The following PPP2R1B variants were observed in gnomAD, a reference collection of about 807,000 sequenced individuals.
The protein encoded by PPP2R1B is protein phosphatase 2 scaffold subunit Abeta.
PPP2R1B carries 58 observed loss-of-function variants against 72.7 expected under a neutral mutation model. That is an observed-to-expected ratio of 0.80 (90% confidence interval 0.65 to 0.99). The LOEUF (loss-of-function observed/expected upper bound fraction) is 0.99. Ranked by LOEUF, PPP2R1B falls within the 50% of genes least tolerant of loss-of-function variation. The pLI, the probability that PPP2R1B is intolerant of heterozygous loss-of-function variation, is 0.00. For synonymous variants in PPP2R1B, 256 were observed against 264.6 expected (o/e 0.97, Z 0.32); for missense variants, 695 against 733.6 (o/e 0.95, Z 0.61).
chr11:111,713,254 T>C, the PPP2R1B span, among the ~76,000 whole-genome samples: 1 of 152,240 alleles, frequency 6.6e-6, no homozygotes, highest in Admixed American at 6.5e-5. Context: ...CTCTCATTCA[T>C]AGATGTCTCT....
chr11:111,733,114 C>T (rs989880321), downstream of PPP2R1B, among the ~76,000 whole-genome samples: 2 of 152,208 alleles, frequency 1.3e-5, no homozygotes, highest in African/African-American at 4.8e-5. Context: ...ATCACTCAGG[C>T]CAAACCCAAG....
the PPP2R1B span, among the ~76,000 whole-genome samples, chr11:111,719,450 A>AG: frequency 7.9e-5 from 12 of 151,164 alleles, no homozygotes; most frequent in African/African-American, 2.7e-4. Context: ...TTAAAAAAAA[A>AG]TAATAACTGG....
In PPP2R1B at chr11:111,739,461, G is replaced by A. The variant is rs1182780603; in HGVS notation, c.*2135C>T. The A allele has an allele frequency of 2.0e-6, 2 of 985,272 alleles. No individual in the cohort carries two copies. The highest frequency in any genetic ancestry group is 1.7e-5 in the African/African-American group (1 of 57,226). The allele number at this position is 985,272 out of a possible 1,614,324, so 61.0% of individuals were successfully genotyped here. On this transcript the variant is annotated 3_prime_UTR_variant, in exon 15 of 15. Coordinates refer to ENST00000527614, the MANE Select transcript of PPP2R1B (RefSeq NM_002716.5). ...TCTCTCTCTATTGCTTAAGTCAGAA[G>A]GAAACAATGAAACCCCTGAGGGGTC...
intron 11 of PPP2R1B, among the ~76,000 whole-genome samples, chr11:111,744,996 G>A (rs1944655141): frequency 6.7e-6 from 1 of 149,662 alleles, no homozygotes; most frequent in African/African-American, 2.5e-5. Context: ...ACCCTTCCCT[G>A]TCCTCCCCAC....
At chr11:111,758,467 G>A (rs1945205671) in intron 5 of PPP2R1B, among the ~76,000 whole-genome samples, 2 of 152,164 alleles carry the variant, frequency 1.3e-5, no homozygotes, top group Non-Finnish European at 1.5e-5. Context: ...GCATGCGCCT[G>A]TAGTCCTAGC....
chr11:111,758,468 T>C (rs1232801785), intron 5 of PPP2R1B, among the ~76,000 whole-genome samples: 1 of 152,126 alleles, frequency 6.6e-6, no homozygotes, highest in Non-Finnish European at 1.5e-5. Context: ...CATGCGCCTG[T>C]AGTCCTAGCT....
At chr11:111,688,142 A>G in the PPP2R1B span, 4 of 1,614,146 alleles carry the variant, frequency 2.5e-6, no homozygotes, top group East Asian at 2.2e-5. This position sits in a 1 kb window ranked among gnomAD's most constrained non-coding sequence, Gnocchi z 4.2. Context: ...CTGGATAACA[A>G]CATGAATATC....
rs746201365 is a variant in PPP2R1B, at chr11:111,738,789, CTG to C, written c.*2805_*2806del. ...AGAAACAAGACCTGGTCTCTTAAAC[CTG>C]TGAGGGGTAAACCCCACACAAATTA... On this transcript the variant is annotated 3_prime_UTR_variant, in exon 15 of 15. Coordinates refer to ENST00000527614, the MANE Select transcript of PPP2R1B (RefSeq NM_002716.5). The C allele has an allele frequency of 3.2e-4, 311 of 985,208 alleles. No homozygotes were observed. The highest frequency in any genetic ancestry group is 3.7e-4 in the Non-Finnish European group (304 of 829,938). 61.0% of individuals were successfully genotyped at this position (985,208 alleles called of 1,614,324 possible). A position where few individuals can be genotyped will look rare whatever the true frequency, so the allele number is the denominator to read the frequency against.
At position 111,764,906 on chromosome 11, in the gene PPP2R1B, C is replaced by G. The variant is rs1187639223; in HGVS notation, c.206-1G>C. 1.2e-6 allele frequency: 2 copies of G among 1,613,432 alleles called. No homozygotes were observed. The highest frequency in any genetic ancestry group is 1.3e-5 in the African/African-American group (1 of 74,934). ...ACCTCATCTTCATCATAAATTGTAT[C>G]TGGAAGTGACAACAACAGGACTCAT... On this transcript the variant is annotated splice_acceptor_variant, in intron 2 of 14. Coordinates refer to ENST00000527614, the MANE Select transcript of PPP2R1B (RefSeq NM_002716.5). LOFTEE classifies it high-confidence loss of function.
downstream of PPP2R1B, among the ~76,000 whole-genome samples, chr11:111,733,785 T>G (rs947277077): frequency 2.6e-5 from 4 of 152,130 alleles, no homozygotes; most frequent in Non-Finnish European, 4.4e-5. Context: ...GCAGTGCCCC[T>G]GTGCCAGCAA....
the PPP2R1B span, among the ~76,000 whole-genome samples, chr11:111,715,793 C>CTTT: frequency 0.011 from 900 of 81,676 alleles, 6 homozygotes; most frequent in East Asian, 0.016. Context: ...TCATTTTTAG[C>CTTT]TTTTTTTTTT....
At chr11:111,704,923 C>T in the PPP2R1B span, 1 of 1,473,286 alleles carries the variant, frequency 6.8e-7, no homozygotes. Flanking sequence ...TTTTTTTAGG[C>T]ATGTGTAGAT....
At chr11:111,723,171 C>T (rs185065591), downstream of PPP2R1B, among the ~76,000 whole-genome samples, 5 of 152,264 alleles carry the variant, frequency 3.3e-5, no homozygotes, top group East Asian at 5.8e-4. Context: ...ACTGCAGACA[C>T]CTGCAGAGGC....
chr11:111,766,011 A>C, intron 1 of PPP2R1B: 1 of 584,140 alleles, frequency 1.7e-6, no homozygotes, highest in Non-Finnish European at 3.2e-6. Context: ...CGGGAAGGGC[A>C]AGGCTCCGGG....
chr11:111,750,837 TGTTTTG>T (rs1944876744), intron 10 of PPP2R1B, among the ~76,000 whole-genome samples: 1 of 130,252 alleles, frequency 7.7e-6, no homozygotes, highest in Non-Finnish European at 1.7e-5. Flanking sequence ...TTTTTGTTTT[TGTTTTG>T]TTTTTTTTTT....
At chr11:111,727,927 A>ATGTT (rs1323628123) in intron 15 of PPP2R1B, 2 of 152,148 alleles carry the variant, frequency 1.3e-5, no homozygotes, top group Non-Finnish European at 2.9e-5. Context: ...GTTCGTAAAT[A>ATGTT]TGTTTGTATT....
At chr11:111,726,696 C>G (rs1263877459), downstream of PPP2R1B, 2 of 467,822 alleles carry the variant, frequency 4.3e-6, no homozygotes, top group African/African-American at 3.9e-5. Flanking sequence ...AAGCAGTTTT[C>G]TCTTCATCAC....
rs897870132 is a variant in PPP2R1B at position 111,740,789 on chromosome 11, T to G, written c.*807A>C. Reference sequence around the variant, plus strand: ...ATTATCCCTGTGGTTCTTAGACTCATTCGAAATACAGAACTGCAATCTCAC... The same window carrying G: ...ATTATCCCTGTGGTTCTTAGACTCAGTCGAAATACAGAACTGCAATCTCAC... On this transcript the variant is annotated 3_prime_UTR_variant, in exon 15 of 15. Transcript: ENST00000527614. 1 of 985,302 alleles carries G rather than the reference T, an allele frequency of 1.0e-6. No individual in the cohort carries two copies. Among genetic ancestry groups the G allele is most frequent in the African/African-American group, 1.7e-5 (1 of 57,238 alleles). 61.0% of individuals were successfully genotyped at this position (985,302 alleles called of 1,614,324 possible). A position where few individuals can be genotyped will look rare whatever the true frequency, so the allele number is the denominator to read the frequency against.
At chr11:111,751,449 TC>T (rs1293130813) in intron 10 of PPP2R1B, among the ~76,000 whole-genome samples, 1 of 152,114 alleles carries the variant, frequency 6.6e-6, no homozygotes, top group Non-Finnish European at 1.5e-5. Flanking sequence ...GCATCCCAAA[TC>T]CAAAAATCCA....
Sources: gnomAD v4.1 joint callset for allele counts (sites outside exome capture counted in the v4.1 genomes callset) on GRCh38, gnomAD v4.1.1 for gene constraint, Gnocchi (gnomAD v3.1) non-coding constraint, MANE v1.5 for transcripts, NCBI Gene and HGNC (gene_info 2026-07-23, HGNC 2026-07-21) for gene names.